E2F5: variants seen among roughly 807,000 people sequenced by gnomAD.
The protein encoded by E2F5 is E2F transcription factor 5.
A neutral mutation model predicts 39.1 loss-of-function variants in E2F5; 23 were observed. That is an observed-to-expected ratio of 0.59 (90% CI 0.42 to 0.83). The LOEUF is 0.83. Ranked by LOEUF, E2F5 falls within the 40% of genes least tolerant of loss-of-function variation. The pLI is 0.00. For missense variants in E2F5, 365 were observed against 406.7 expected (o/e 0.90, Z 0.88); for synonymous variants, 145 against 157.8 (o/e 0.92, Z 0.61).
chr8:85,208,298 A>G (rs1435811586), intron 5 of E2F5, among the ~76,000 whole-genome samples: 1 of 152,256 alleles, frequency 6.6e-6, no homozygotes, highest in Admixed American at 6.5e-5. Context: ...ATTGCACTCC[A>G]GCCTGGGCAA....
At chr8:85,212,111 T>C in intron 6 of E2F5, 46 bp from the exon 7 acceptor site, 3 of 1,467,368 alleles carry the variant, frequency 2.0e-6, no homozygotes, top group Non-Finnish European at 2.9e-6. Flanking sequence ...TATGAGTATC[T>C]TTTACTGTTA....
rs1374113643 is a variant in E2F5, at chr8:85,213,763, C to G, written c.942C>G (p.Leu314=). The G allele has an allele frequency of 6.2e-7, 1 of 1,609,968 alleles. No individual in the cohort carries two copies. Among genetic ancestry groups the G allele is most frequent in the Admixed American group, 1.7e-5 (1 of 59,782 alleles). ...GTTTTTTGTTCGCAGTGTTTCCTCT[C>G]TTAAGGCTTTCTCCTACCCCGGCAG... ...DELMSSDVFP[L]LRLSPTPADD... The change falls in exon 8 of 8, where the codon CTC becomes CTG. Residue 314 remains leucine, a synonymous_variant. Transcript: ENST00000416274.
intron 1 of E2F5, among the ~76,000 whole-genome samples, chr8:85,193,295 C>T (rs1812507781): frequency 6.6e-6 from 1 of 151,932 alleles, no homozygotes; most frequent in South Asian, 2.1e-4. Flanking sequence ...ACCAGCCTGG[C>T]CAACATGGTG....
At chr8:85,182,226 T>TA (rs1348215236) in intron 1 of E2F5, among the ~76,000 whole-genome samples, 3 of 152,228 alleles carry the variant, frequency 2.0e-5, no homozygotes, top group Non-Finnish European at 2.9e-5. Context: ...TGTTAATAGC[T>TA]AATATACATC....
intron 1 of E2F5, among the ~76,000 whole-genome samples, chr8:85,187,469 CT>C (rs1812367905): frequency 6.6e-6 from 1 of 152,090 alleles, no homozygotes; most frequent in Non-Finnish European, 1.5e-5. Flanking sequence ...TTAGGTGCTG[CT>C]ATATTGGGTT....
chr8:85,196,625 A>G (rs1194054770), intron 1 of E2F5, among the ~76,000 whole-genome samples: 4 of 152,200 alleles, frequency 2.6e-5, no homozygotes, highest in Non-Finnish European at 5.9e-5. Flanking sequence ...AGTCCATTTA[A>G]AAATGTTTTA....
chr8:85,213,779 A>G lies in E2F5; in HGVS notation c.958A>G (p.Thr320Ala). The change falls in exon 8 of 8, where the codon ACC (threonine) becomes GCC (alanine). Residue 320 changes from threonine to alanine, a missense_variant. Physicochemically the swap from Thr to Ala is moderately conservative, Grantham distance 58. Transcript: ENST00000416274. ...GTTTCCTCTCTTAAGGCTTTCTCCTACCCCGGCAGATGACTACAACTTTAA... is the reference window on the plus strand; with the variant it reads ...GTTTCCTCTCTTAAGGCTTTCTCCTGCCCCGGCAGATGACTACAACTTTAA... ...DVFPLLRLSP[T>A]PADDYNFNLD... The G allele has an allele frequency of 6.2e-7, 1 of 1,613,048 alleles. No individual in the cohort carries two copies. The highest frequency in any genetic ancestry group is 8.5e-7 in the Non-Finnish European group (1 of 1,179,354).
intron 1 of E2F5, among the ~76,000 whole-genome samples, chr8:85,182,668 T>C (rs749977791): frequency 1.3e-5 from 2 of 152,346 alleles, no homozygotes; most frequent in African/African-American, 4.8e-5. Flanking sequence ...TTTGAACAAC[T>C]GTTAAGATAG....
At chr8:85,189,447 G>A (rs1390622317) in intron 1 of E2F5, among the ~76,000 whole-genome samples, 2 of 152,082 alleles carry the variant, frequency 1.3e-5, no homozygotes, top group African/African-American at 4.8e-5. Context: ...TTGGCTTACT[G>A]CAACCTCTAC....
At chr8:85,184,025 A>G (rs1812275424) in intron 1 of E2F5, among the ~76,000 whole-genome samples, 1 of 152,192 alleles carries the variant, frequency 6.6e-6, no homozygotes, top group Non-Finnish European at 1.5e-5. Flanking sequence ...GATCATCTGT[A>G]AGCCAAGGAG....
intron 7 of E2F5, chr8:85,212,839 T>C (rs1812967358): frequency 1.3e-5 from 2 of 150,752 alleles, no homozygotes; most frequent in South Asian, 4.2e-4. Flanking sequence ...TAAGTCCAGT[T>C]CATTCTTCTG....
At position 85,213,929 on chromosome 8, in the gene E2F5, T is replaced by G; in HGVS notation, c.*67T>G. ...TAACATTTTAGACTTCTTAATAACC[T>G]AAATATTTAAAATAATGAATGTAAC... is the stretch of plus-strand genomic sequence containing the variant. On this transcript the variant is annotated 3_prime_UTR_variant, in exon 8 of 8. Coordinates refer to ENST00000416274, the MANE Select transcript of E2F5 (RefSeq NM_001951.4). 1.1e-6 allele frequency: 1 copy of G among 893,162 alleles called. No homozygotes were observed. Among genetic ancestry groups the G allele is most frequent in the Non-Finnish European group, 1.8e-6 (1 of 558,766 alleles). The allele number at this position is 893,162 out of a possible 1,614,324, so 55.3% of individuals were successfully genotyped here.
rs181473204 is a variant in E2F5, at chr8:85,182,387, T to G, written c.234+4733T>G. Among the ~76,000 whole-genome samples, 441 of 152,336 alleles carry G rather than the reference T, an allele frequency of 2.9e-3. 3 individuals are homozygous for G. The highest frequency in any genetic ancestry group is 0.012 in the South Asian group (60 of 4,830). Reference sequence around the variant, plus strand: ...GATAGGTTAGATAACTTGCCTGGTGTTGTACAGTAGAAAGTGAGAGCTAAG... The same window carrying G: ...GATAGGTTAGATAACTTGCCTGGTGGTGTACAGTAGAAAGTGAGAGCTAAG... On this transcript the variant is annotated intron_variant, in intron 1 of 7. Transcript: ENST00000416274.
At chr8:85,190,114 T>C (rs1342091994) in intron 1 of E2F5, among the ~76,000 whole-genome samples, 1 of 152,214 alleles carries the variant, frequency 6.6e-6, no homozygotes, top group East Asian at 1.9e-4. Context: ...ACCTCGTCTA[T>C]GCACTCCCTC....
intron 1 of E2F5, among the ~76,000 whole-genome samples, chr8:85,184,297 C>A (rs1277207933): frequency 6.6e-6 from 1 of 152,142 alleles, no homozygotes; most frequent in Non-Finnish European, 1.5e-5. Flanking sequence ...TGCAAAAAGG[C>A]CTTCAACAAA....
intron 1 of E2F5, among the ~76,000 whole-genome samples, chr8:85,186,111 A>C (rs182413040): frequency 2.0e-5 from 3 of 152,298 alleles, no homozygotes; most frequent in East Asian, 3.9e-4. Flanking sequence ...AACCAACCCA[A>C]ATATCCATCA....
At chr8:85,200,114 G>C (rs1010817232) in intron 1 of E2F5, among the ~76,000 whole-genome samples, 19 of 152,080 alleles carry the variant, frequency 1.2e-4, no homozygotes, top group Admixed American at 4.6e-4. Context: ...AGTCGTGGTG[G>C]TACACACCTG....
rs753113256 is a variant in E2F5, at chr8:85,177,662, C to A, written c.234+8C>A. 2.3e-6 allele frequency: 3 copies of A among 1,283,940 alleles called. No homozygotes were observed. The highest frequency in any genetic ancestry group is 6.8e-5 in the South Asian group (2 of 29,452). The allele number at this position is 1,283,940 out of a possible 1,614,324, so 79.5% of individuals were successfully genotyped here. A position where few individuals can be genotyped will look rare whatever the true frequency, so the allele number is the denominator to read the frequency against. ...GTTCTGGATCTCAAAGCGGTGAGCTCCGGAGGCGGGGACGGGGGCGGACTT... is the reference window on the plus strand; with the variant it reads ...GTTCTGGATCTCAAAGCGGTGAGCTACGGAGGCGGGGACGGGGGCGGACTT... On this transcript the variant is annotated splice_region_variant and intron_variant, in intron 1 of 7. Coordinates refer to ENST00000416274, the MANE Select transcript of E2F5 (RefSeq NM_001951.4).
chr8:85,206,620 A>C (rs1812807894), intron 4 of E2F5, among the ~76,000 whole-genome samples: 13 of 152,294 alleles, frequency 8.5e-5, no homozygotes. Context: ...AATGAAACTC[A>C]AAGAAACCAT....
Sources: allele counts gnomAD v4.1 joint callset (sites outside exome capture counted in the v4.1 genomes callset), GRCh38; gene constraint gnomAD v4.1.1; transcripts MANE v1.5; gene names NCBI Gene and HGNC (gene_info 2026-07-23, HGNC 2026-07-21).